Variants in DOCK1 observed in about 807,000 individuals in gnomAD.
The protein encoded by DOCK1 is dedicator of cytokinesis protein 1.
In DOCK1, 138 loss-of-function variants were observed where a neutral mutation model predicts 262.7. The observed-to-expected ratio is 0.53, with a 90% CI of 0.46 to 0.61. The LOEUF (loss-of-function observed/expected upper bound fraction) is 0.61, where lower values mean the gene tolerates loss of function less well. DOCK1 is among the 20% of genes least tolerant of loss of function. The pLI is 0.00. For missense variants in DOCK1, 1,908 were observed against 2,370.7 expected, an observed-to-expected ratio of 0.80 and a Z score of 4.05; for synonymous variants, 866 against 867.4, an observed-to-expected ratio of 1.00 and a Z score of 0.03.
At chr10:127,051,740 A>G (rs2044737360) in intron 21 of DOCK1, among the ~76,000 whole-genome samples, 2 of 151,832 alleles carry the variant, frequency 1.3e-5, no homozygotes, top group South Asian at 4.1e-4. Context: ...ATGCCATCCT[A>G]CCCGGCTAAT....
At chr10:127,023,776 C>T (rs544173316) in intron 14 of DOCK1, among the ~76,000 whole-genome samples, 47 of 152,216 alleles carry the variant, frequency 3.1e-4, no homozygotes, top group African/African-American at 1.0e-3. Flanking sequence ...CCAACCTTAT[C>T]GTGGAGTCTC....
At chr10:127,317,521 T>A (rs2062336275) in intron 29 of DOCK1, among the ~76,000 whole-genome samples, 1 of 152,118 alleles carries the variant, frequency 6.6e-6, no homozygotes, top group Non-Finnish European at 1.5e-5. Context: ...ACAATTTATA[T>A]TACAGAACTC....
intron 26 of DOCK1, 40 bp from the exon 27 acceptor site, chr10:127,127,628 GT>G: frequency 6.6e-7 from 1 of 1,514,530 alleles, no homozygotes; most frequent in Non-Finnish European, 9.1e-7. Flanking sequence ...GCATGTTAAT[GT>G]TTCTCTGGTG....
chr10:127,307,858 C>G (rs1041025294), intron 29 of DOCK1, among the ~76,000 whole-genome samples: 2 of 152,346 alleles, frequency 1.3e-5, no homozygotes, highest in African/African-American at 4.8e-5. Context: ...CTCCCCGTCT[C>G]TCCTGTCCGT....
chr10:126,967,556 A>T (rs2037763174), intron 1 of DOCK1, among the ~76,000 whole-genome samples: 1 of 152,100 alleles, frequency 6.6e-6, no homozygotes. Context: ...TCGGGCTAAG[A>T]TACGAGATTC....
At chr10:126,918,523 G>T (rs2134075707) in intron 1 of DOCK1, among the ~76,000 whole-genome samples, 1 of 152,320 alleles carries the variant, frequency 6.6e-6, no homozygotes, top group Admixed American at 6.5e-5. Context: ...TTTTCACCCT[G>T]GGGAGCTGTC....
At chr10:127,098,746 T>C (rs1481858717) in intron 23 of DOCK1, among the ~76,000 whole-genome samples, 2 of 152,080 alleles carry the variant, frequency 1.3e-5, no homozygotes, top group Admixed American at 1.3e-4. Flanking sequence ...GAGGTGTCTT[T>C]CGGCAGATAA....
intron 29 of DOCK1, among the ~76,000 whole-genome samples, chr10:127,286,408 G>C (rs1262823734): frequency 6.6e-6 from 1 of 152,066 alleles, no homozygotes; most frequent in Non-Finnish European, 1.5e-5. Context: ...CTCCAGTGGA[G>C]ATATAATCTC....
At chr10:127,009,594 C>T (rs529083081) in intron 11 of DOCK1, among the ~76,000 whole-genome samples, 7 of 152,036 alleles carry the variant, frequency 4.6e-5, no homozygotes, top group South Asian at 2.1e-4. Context: ...GGTTGGGTGG[C>T]GATGTTAGGG....
chr10:127,019,638 C>CT (rs1412428407), intron 13 of DOCK1, among the ~76,000 whole-genome samples: 5 of 152,092 alleles, frequency 3.3e-5, no homozygotes, highest in African/African-American at 1.2e-4. Context: ...ATTCTAGTTA[C>CT]TTTGGGGGGC....
chr10:127,020,298 A>G (rs1252721830), intron 13 of DOCK1, among the ~76,000 whole-genome samples: 1 of 152,190 alleles, frequency 6.6e-6, no homozygotes, highest in African/African-American at 2.4e-5. Context: ...GGCAATATGC[A>G]TTTATCTTGG....
chr10:127,312,023 C>G (rs558111270), intron 29 of DOCK1, among the ~76,000 whole-genome samples: 1 of 152,184 alleles, frequency 6.6e-6, no homozygotes, highest in East Asian at 1.9e-4. Context: ...CGCTACCACA[C>G]CTGGCCAATT....
chr10:127,388,347 C>T (rs536808781), intron 38 of DOCK1, among the ~76,000 whole-genome samples: 1 of 152,136 alleles, frequency 6.6e-6, no homozygotes, highest in African/African-American at 2.4e-5. Context: ...AATATTTCCA[C>T]GAGAATGTTA....
At chr10:127,367,649 C>CGG (rs1377550523) in intron 33 of DOCK1, among the ~76,000 whole-genome samples, 2 of 152,160 alleles carry the variant, frequency 1.3e-5, no homozygotes, top group East Asian at 3.9e-4. Flanking sequence ...ATGTGCACAG[C>CGG]GGCCTTGAAT....
In DOCK1 at chr10:127,126,012, A is replaced by G. The variant is rs868520544; in HGVS notation, c.2751+411A>G. On this transcript the variant is annotated intron_variant, in intron 26 of 51. Transcript: ENST00000623213. The stretch of plus-strand genomic sequence containing the variant: ...GCATGCTGAGGGAGTCGTAAGGAGA[A>G]GAGCAGCTCTTTTCCTCCCCTCAGG... Among the ~76,000 whole-genome samples, 78 of 152,240 alleles carry G rather than the reference A, an allele frequency of 5.1e-4. 1 individual carries two copies. Among genetic ancestry groups the G allele is most frequent in the Admixed American group, 1.6e-3 (24 of 15,286 alleles).
intron 27 of DOCK1, among the ~76,000 whole-genome samples, chr10:127,202,618 G>T (rs1314803265): frequency 6.6e-6 from 1 of 152,194 alleles, no homozygotes; most frequent in Non-Finnish European, 1.5e-5. Context: ...CCTCCTTGTT[G>T]TACTTTTTTC....
chr10:127,078,374 G>A (rs2046693873), intron 23 of DOCK1, among the ~76,000 whole-genome samples: 2 of 152,154 alleles, frequency 1.3e-5, no homozygotes, highest in South Asian at 4.2e-4. Context: ...CCCTTTGGGG[G>A]TGTGGGGCAA....
intron 24 of DOCK1, among the ~76,000 whole-genome samples, 158 bp downstream of exon 24, chr10:127,106,459 CTT>C (rs1385660961): frequency 6.6e-6 from 1 of 152,120 alleles, no homozygotes; most frequent in African/African-American, 2.4e-5. Flanking sequence ...GTCTGTGACT[CTT>C]TGATAATCAT....
In DOCK1 at chr10:127,032,329, G is replaced by A. The variant is rs12260237; in HGVS notation, c.1912+9G>A. 1.7e-5 allele frequency: 25 copies of A among 1,508,632 alleles called. No individual in the cohort carries two copies. In the East Asian group the frequency reaches 3.1e-4, roughly 19 times the overall value. 93.5% of individuals were successfully genotyped at this position (1,508,632 alleles called of 1,614,324 possible). ...CAAACTGACTCAGAACGGTGCGTTC[G>A]AGAGGAGAAACACACTCACCCCAGG... On this transcript the variant is annotated intron_variant, in intron 18 of 51. Transcript: ENST00000623213.
Sources: allele counts gnomAD v4.1 joint callset (sites outside exome capture counted in the v4.1 genomes callset), GRCh38; gene constraint gnomAD v4.1.1; transcripts MANE v1.5; gene names NCBI Gene and HGNC (gene_info 2026-07-23, HGNC 2026-07-21).